Variants in TDRD15 observed in about 807,000 individuals in gnomAD.
The protein encoded by TDRD15 is tudor domain-containing protein 15.
For missense variants in TDRD15, 1,416 were observed against 904.7 expected, an observed-to-expected ratio of 1.57 and a Z score of -7.25; for synonymous variants, 503 against 314.5, an observed-to-expected ratio of 1.60 and a Z score of -6.34.
intron 2 of TDRD15, among the ~76,000 whole-genome samples, chr2:21,134,223 G>A (rs1665767881): frequency 6.6e-6 from 1 of 151,732 alleles, no homozygotes; most frequent in Non-Finnish European, 1.5e-5. Flanking sequence ...CAAACCTCAG[G>A]GGAACTGTGA....
At chr2:21,124,943 C>A (rs1178990803) in intron 1 of TDRD15, among the ~76,000 whole-genome samples, 1 of 144,836 alleles carries the variant, frequency 6.9e-6, no homozygotes, top group East Asian at 2.1e-4. Context: ...TGAGAGAGAC[C>A]CTAATGCCAG....
At chr2:21,145,927 C>T (rs1666023324), downstream of TDRD15, among the ~76,000 whole-genome samples, 4 of 152,006 alleles carry the variant, frequency 2.6e-5, no homozygotes, top group South Asian at 6.2e-4. Context: ...CTTGGCTTTG[C>T]ATTGGAATTA....
At chr2:21,126,949 C>T (rs1234653727) in intron 1 of TDRD15, among the ~76,000 whole-genome samples, 4 of 152,162 alleles carry the variant, frequency 2.6e-5, no homozygotes, top group Admixed American at 2.6e-4. Flanking sequence ...AGTCTGTGAC[C>T]TTTGCAGTTA....
At chr2:21,124,476 GGTGTGT>G (rs143329553) in intron 1 of TDRD15, among the ~76,000 whole-genome samples, 26 of 134,524 alleles carry the variant, frequency 1.9e-4, no homozygotes, top group African/African-American at 5.6e-4. Flanking sequence ...CTAATGCCAG[GGTGTGT>G]GTGTGTGTGT....
Position 21,139,145 on chromosome 2 carries a change from A to G in TDRD15, c.1678A>G (p.Lys560Glu), listed in dbSNP as rs1489003730. 2.8e-6 allele frequency: 2 copies of G among 712,542 alleles called. No homozygotes were observed. The highest frequency in any genetic ancestry group is 5.4e-5 in the East Asian group (2 of 37,248). The allele number at this position is 712,542 out of a possible 1,614,324, so 44.1% of individuals were successfully genotyped here. Reference sequence around the variant, plus strand: ...TGTCATCACTGAAATTAATGGTTATAAGATTAATGTTTATTTTTTGGATTA... The same window carrying G: ...TGTCATCACTGAAATTAATGGTTATGAGATTAATGTTTATTTTTTGGATTA... The part of the protein sequence containing the change: ...RAVITEINGY[K>E]INVYFLDYGN... The change falls in exon 4 of 4, where the codon AAG becomes GAG. Residue 560 changes from lysine to glutamate, a missense_variant. Physicochemically the swap from Lys to Glu is moderately conservative, Grantham distance 56. Transcript: ENST00000405799.
chr2:21,131,653 C>T (rs1160576551), intron 2 of TDRD15, among the ~76,000 whole-genome samples: 1 of 152,100 alleles, frequency 6.6e-6, no homozygotes, highest in Non-Finnish European at 1.5e-5. Context: ...ATTAAGCAGA[C>T]ATTGAAGAGA....
intron 3 of TDRD15, 56 bp downstream of exon 3, chr2:21,134,903 G>T (rs1413482494): frequency 6.6e-6 from 1 of 150,656 alleles, no homozygotes; most frequent in Non-Finnish European, 1.5e-5. Context: ...TTGAATAAGG[G>T]TTGGATCTAG....
Position 21,140,051 on chromosome 2 carries a change from A to G in TDRD15, c.2584A>G (p.Arg862Gly), listed in dbSNP as rs1264542697. Reference protein sequence around the residue: ...RFLLLESQAFRCCLNHFIEPV... With the variant: ...RFLLLESQAFGCCLNHFIEPV... ...TCTCTTGTTAGAAAGCCAAGCCTTCAGATGTTGTCTTAACCATTTTATTGA... is the reference window on the plus strand; with the variant it reads ...TCTCTTGTTAGAAAGCCAAGCCTTCGGATGTTGTCTTAACCATTTTATTGA... The change falls in exon 4 of 4, where the codon AGA becomes GGA. Residue 862 changes from arginine (R) to glycine (G), a missense_variant. Coordinates refer to ENST00000405799, the MANE Select transcript of TDRD15 (RefSeq NM_001306137.2). The G allele has an allele frequency of 1.4e-6, 1 of 715,952 alleles. No homozygotes were observed. Among genetic ancestry groups the G allele is most frequent in the Non-Finnish European group, 2.6e-6 (1 of 384,034 alleles). The allele number at this position is 715,952 out of a possible 1,614,324, so 44.3% of individuals were successfully genotyped here.
chr2:21,142,286 G>T lies in TDRD15; in HGVS notation c.4819G>T (p.Val1607Phe). 2 of 690,136 alleles carry T rather than the reference G, an allele frequency of 2.9e-6. No individual in the cohort carries two copies. The highest frequency in any genetic ancestry group is 2.7e-5 in the East Asian group (1 of 37,000). 42.8% of individuals were successfully genotyped at this position (690,136 alleles called of 1,614,324 possible). Residue 1607 changes from valine (V) to phenylalanine (F), a missense_variant, in exon 4 of 4, where the codon GTT becomes TTT. By Grantham distance (50) the Val-to-Phe change is conservative (BLOSUM62 -1). Coordinates refer to ENST00000405799, the MANE Select transcript of TDRD15 (RefSeq NM_001306137.2). Reference protein sequence around the residue: ...EEKYVDDKVLVFLVDCGIYEI... With the variant: ...EEKYVDDKVLFFLVDCGIYEI... ...AAAGTATGTTGATGATAAAGTACTT[G>T]TTTTTTTAGTAGATTGTGGTATCTA...
chr2:21,136,360 G>C (rs940116845), intron 3 of TDRD15, among the ~76,000 whole-genome samples: 11 of 151,768 alleles, frequency 7.2e-5, no homozygotes, highest in Admixed American at 5.3e-4. Flanking sequence ...TTTTATTTTA[G>C]GTTTTATTTT....
intron 2 of TDRD15, among the ~76,000 whole-genome samples, chr2:21,132,262 A>G (rs958538251): frequency 7.2e-5 from 11 of 152,186 alleles, no homozygotes; most frequent in African/African-American, 1.2e-4. Context: ...CGGACTTCAT[A>G]AAGCCATTTT....
chr2:21,134,278 T>A (rs974577516), intron 2 of TDRD15, among the ~76,000 whole-genome samples: 23 of 151,958 alleles, frequency 1.5e-4, no homozygotes, highest in African/African-American at 5.3e-4. Context: ...GTTTGGGAAC[T>A]TTGGATTTAA....
In TDRD15 at chr2:21,143,671, A is replaced by G. The variant is rs953203714; in HGVS notation, c.*399A>G. ...GCATGATAATAAAAAAAAACACAGA[A>G]CACTTAAAAGGTAAACAGACATTTT... On this transcript the variant is annotated 3_prime_UTR_variant, in exon 4 of 4. Coordinates refer to ENST00000405799, the MANE Select transcript of TDRD15 (RefSeq NM_001306137.2). 6.6e-6 allele frequency among the ~76,000 whole-genome samples: 1 copy of G among 151,704 alleles called. No individual in the cohort carries two copies. Among genetic ancestry groups the G allele is most frequent in the African/African-American group, 2.4e-5 (1 of 41,398 alleles).
In TDRD15 at chr2:21,140,121, G is replaced by A. The variant is rs146562522; in HGVS notation, c.2654G>A (p.Arg885Lys). The change falls in exon 4 of 4, where the codon AGA becomes AAA. Residue 885 changes from arginine (R) to lysine (K), a missense_variant. By Grantham distance (26) the Arg-to-Lys change is conservative. Coordinates refer to ENST00000405799, the MANE Select transcript of TDRD15 (RefSeq NM_001306137.2). ...TTCAGTTGGACAAGAAAAGCATTCA[G>A]AGACTTGTGGAATTTTATCTCTTCA... ...KLFSWTRKAF[R>K]DLWNFISSSR... The A allele has an allele frequency of 9.7e-3, 6,981 of 716,012 alleles. 67 individuals are homozygous for A. Among genetic ancestry groups the A allele is most frequent in the Non-Finnish European group, 0.013 (4,986 of 384,026 alleles). The allele number at this position is 716,012 out of a possible 1,614,324, so 44.4% of individuals were successfully genotyped here. A position where few individuals can be genotyped will look rare whatever the true frequency, so the allele number is the denominator to read the frequency against.
chr2:21,140,365 A>G lies in TDRD15; in HGVS notation c.2898A>G (p.Glu966=), dbSNP rs767771859. 20 of 705,142 alleles carry G rather than the reference A, an allele frequency of 2.8e-5. No homozygotes were observed. The South Asian group carries it at 3.1e-4, about 11-fold the overall frequency. 43.7% of individuals were successfully genotyped at this position (705,142 alleles called of 1,614,324 possible). A position where few individuals can be genotyped will look rare whatever the true frequency, so the allele number is the denominator to read the frequency against. The change falls in exon 4 of 4, where the codon GAA becomes GAG. Residue 966 remains glutamate, a synonymous_variant. Transcript: ENST00000405799. ...YSSFNIQIGS[E]EEVYISHIYS... ...CCTTTAATATACAAATTGGAAGTGA[A>G]GAAGAAGTATATATATCTCACATAT...
In TDRD15 at chr2:21,141,012, T is replaced by A. The variant is rs935858765; in HGVS notation, c.3545T>A (p.Ile1182Lys). 9 of 712,756 alleles carry A rather than the reference T, an allele frequency of 1.3e-5. No homozygotes were observed. Among genetic ancestry groups the A allele is most frequent in the Non-Finnish European group, 1.8e-5 (7 of 383,178 alleles). The allele number at this position is 712,756 out of a possible 1,614,324, so 44.2% of individuals were successfully genotyped here. ...KTGNNYRHNV[I>K]NKPSPVTYSE... ...GGAAACAACTATCGCCATAATGTGA[T>A]AAATAAACCTAGTCCAGTAACATAT... Residue 1182 changes from isoleucine to lysine, a missense_variant, in exon 4 of 4, where the codon ATA (isoleucine) becomes AAA (lysine). Ile to Lys is a moderately radical substitution (Grantham distance 102, BLOSUM62 -3). Transcript: ENST00000405799.
intron 2 of TDRD15, among the ~76,000 whole-genome samples, chr2:21,128,878 A>G (rs753045637): frequency 5.3e-5 from 8 of 152,042 alleles, no homozygotes; most frequent in Non-Finnish European, 1.0e-4. Context: ...TCAGAAGGAA[A>G]AATCACTGTC....
intron 2 of TDRD15, among the ~76,000 whole-genome samples, chr2:21,130,911 T>C (rs946785590): frequency 1.3e-5 from 2 of 152,226 alleles, no homozygotes; most frequent in African/African-American, 4.8e-5. Flanking sequence ...AAAATATGTC[T>C]TTTTAATATT....
In TDRD15 at chr2:21,138,666, C is replaced by T; in HGVS notation, c.1199C>T (p.Thr400Ile). Residue 400 changes from threonine to isoleucine, a missense_variant, in exon 4 of 4, where the codon ACA (threonine) becomes ATA (isoleucine). Coordinates refer to ENST00000405799, the MANE Select transcript of TDRD15 (RefSeq NM_001306137.2). ...FNKDECLYYVTLQTQESTVNS... is the reference protein window; with the variant it reads ...FNKDECLYYVILQTQESTVNS... ...AAGGATGAGTGTTTGTATTATGTGACATTACAAACTCAAGAGTCTACAGTT... is the reference window on the plus strand; with the variant it reads ...AAGGATGAGTGTTTGTATTATGTGATATTACAAACTCAAGAGTCTACAGTT... The T allele has an allele frequency of 1.4e-6, 1 of 715,284 alleles. No individual in the cohort carries two copies. The highest frequency in any genetic ancestry group is 1.5e-5 in the South Asian group (1 of 67,320). 44.3% of individuals were successfully genotyped at this position (715,284 alleles called of 1,614,324 possible).
Sources: allele counts gnomAD v4.1 joint callset (sites outside exome capture counted in the v4.1 genomes callset), GRCh38; gene constraint gnomAD v4.1.1; transcripts MANE v1.5; gene names NCBI Gene and HGNC (gene_info 2026-07-23, HGNC 2026-07-21).